Variants in CSMD1 observed in about 807,000 individuals in gnomAD.
The protein encoded by CSMD1 is CUB and Sushi multiple domains 1.
In CSMD1, 213 loss-of-function variants were observed where a neutral mutation model predicts 417.5. The ratio of observed to expected loss-of-function variants is 0.51; its 90% CI spans 0.46 to 0.57. The LOEUF is 0.57. Ranked by LOEUF, CSMD1 falls within the 20% of genes least tolerant of loss-of-function variation. The probability of loss-of-function intolerance (pLI) is 0.00; values close to 1 mark genes in which losing one functional copy is unlikely to be tolerated. For synonymous variants in CSMD1, 2,862 were observed against 1,736.8 expected (o/e 1.65, Z -16.11); for missense variants, 6,923 against 4,529.7 (o/e 1.53, Z -15.17).
chr8:3,971,699 T>C (rs1813102208), intron 5 of CSMD1, among the ~76,000 whole-genome samples: 1 of 152,180 alleles, frequency 6.6e-6, no homozygotes, highest in Non-Finnish European at 1.5e-5. Context: ...GATGCAAGGA[T>C]ACGAGCCTCT....
In CSMD1 at chr8:2,938,776, C is replaced by A. The variant is rs1426826040; in HGVS notation, c.10536-32G>T. The A allele has an allele frequency of 5.7e-6, 9 of 1,567,100 alleles. No individual in the cohort carries two copies. In the African/African-American group the frequency reaches 1.1e-4, roughly 19 times the overall value. On this transcript the variant is annotated intron_variant, in intron 69 of 69. Transcript: ENST00000635120. ...AAAACAGAAAACAAATCATTAGAAT[C>A]CTGGTTTCATTTGCAGATTTAGCAG...
At chr8:4,296,538 T>C (rs550730613) in intron 3 of CSMD1, among the ~76,000 whole-genome samples, 34 of 152,232 alleles carry the variant, frequency 2.2e-4, no homozygotes, top group Admixed American at 5.2e-4. Context: ...TTAAGCATTA[T>C]TCACTACTCA....
intron 3 of CSMD1, among the ~76,000 whole-genome samples, chr8:4,316,180 A>T (rs1256289083): frequency 2.6e-5 from 4 of 152,168 alleles, no homozygotes; most frequent in Non-Finnish European, 5.9e-5. Context: ...AGATTAGCTA[A>T]ATTTCAAGAG....
intron 11 of CSMD1, among the ~76,000 whole-genome samples, chr8:3,486,537 G>A (rs976284700): frequency 6.6e-6 from 1 of 152,068 alleles, no homozygotes; most frequent in African/African-American, 2.4e-5. Context: ...TGGCTCCTCA[G>A]AGAAAATAGC....
At chr8:4,785,436 T>C (rs1490484147) in intron 1 of CSMD1, among the ~76,000 whole-genome samples, 1 of 152,062 alleles carries the variant, frequency 6.6e-6, no homozygotes, top group East Asian at 1.9e-4. Context: ...GTGGGTTAGA[T>C]CACCATTAGC....
intron 1 of CSMD1, among the ~76,000 whole-genome samples, chr8:4,980,128 T>C (rs1810801474): frequency 6.6e-6 from 1 of 152,230 alleles, no homozygotes; most frequent in Non-Finnish European, 1.5e-5. Context: ...TTACTTCCTA[T>C]ACAAAGCAAT....
chr8:3,779,970 C>A (rs1799088622), intron 5 of CSMD1, among the ~76,000 whole-genome samples: 1 of 152,178 alleles, frequency 6.6e-6, no homozygotes, highest in African/African-American at 2.4e-5. Context: ...CTTAAATCAA[C>A]CAAAAGAATG....
At chr8:4,190,072 C>T (rs571380591) in intron 3 of CSMD1, among the ~76,000 whole-genome samples, 2 of 151,770 alleles carry the variant, frequency 1.3e-5, no homozygotes. Context: ...TCCTGGCTAA[C>T]ATGGTGAAAC....
chr8:3,546,690 G>A (rs545231098), intron 10 of CSMD1, among the ~76,000 whole-genome samples: 31 of 152,174 alleles, frequency 2.0e-4, no homozygotes, highest in South Asian at 4.1e-4. Flanking sequence ...TAAACAGCTG[G>A]ACAAATCTTC....
At chr8:4,293,561 T>G (rs929985458) in intron 3 of CSMD1, among the ~76,000 whole-genome samples, 4 of 152,210 alleles carry the variant, frequency 2.6e-5, no homozygotes, top group African/African-American at 4.8e-5. Flanking sequence ...GTGCCTTATC[T>G]TCCAAATTAG....
chr8:4,024,062 A>C (rs191834258), intron 4 of CSMD1, among the ~76,000 whole-genome samples: 1 of 152,158 alleles, frequency 6.6e-6, no homozygotes, highest in Non-Finnish European at 1.5e-5. Flanking sequence ...AACAGGAGAG[A>C]AAATATACTA....
chr8:4,593,977 G>C (rs1011508486), intron 2 of CSMD1, among the ~76,000 whole-genome samples: 2 of 151,978 alleles, frequency 1.3e-5, no homozygotes. Flanking sequence ...TGCCTGTGGA[G>C]GACCCTTCTT....
At chr8:2,944,277 G>C (rs768657812) in intron 68 of CSMD1, among the ~76,000 whole-genome samples, 3 of 152,132 alleles carry the variant, frequency 2.0e-5, no homozygotes, top group Non-Finnish European at 4.4e-5. Context: ...ATTCTGAGAT[G>C]GTTTAAAATT....
intron 2 of CSMD1, among the ~76,000 whole-genome samples, chr8:4,458,180 T>C (rs916997522): frequency 6.6e-6 from 1 of 152,180 alleles, no homozygotes; most frequent in African/African-American, 2.4e-5. Context: ...ATATACTAAA[T>C]ATCAAAATGA....
At chr8:4,305,060 A>G (rs1273276886) in intron 3 of CSMD1, among the ~76,000 whole-genome samples, 1 of 152,148 alleles carries the variant, frequency 6.6e-6, no homozygotes, top group African/African-American at 2.4e-5. Context: ...ACAGGCACCT[A>G]TTCGTTTTAG....
chr8:3,274,234 G>A (rs55741603), intron 26 of CSMD1, among the ~76,000 whole-genome samples: 111 of 151,414 alleles, frequency 7.3e-4, no homozygotes, highest in East Asian at 1.4e-3. Flanking sequence ...GTAGTTGAGC[G>A]GTTTTGAGTG....
intron 44 of CSMD1, among the ~76,000 whole-genome samples, chr8:3,108,054 C>G (rs1816259966): frequency 6.6e-6 from 1 of 152,148 alleles, no homozygotes; most frequent in Non-Finnish European, 1.5e-5. Context: ...AATAAACACA[C>G]TTTACAGATG....
chr8:3,980,898 G>C (rs1451379261), intron 5 of CSMD1, among the ~76,000 whole-genome samples: 1 of 152,090 alleles, frequency 6.6e-6, no homozygotes, highest in Non-Finnish European at 1.5e-5. Context: ...TTATTTTCAG[G>C]CTAAAATTCA....
intron 5 of CSMD1, among the ~76,000 whole-genome samples, chr8:3,886,161 T>C (rs1469808424): frequency 6.6e-6 from 1 of 152,102 alleles, no homozygotes; most frequent in Non-Finnish European, 1.5e-5. Flanking sequence ...AGCAATCTCC[T>C]ACCTCAGCCT....
Sources: allele counts gnomAD v4.1 joint callset (sites outside exome capture counted in the v4.1 genomes callset), GRCh38; gene constraint gnomAD v4.1.1; transcripts MANE v1.5; gene names NCBI Gene and HGNC (gene_info 2026-07-23, HGNC 2026-07-21).